PRKN: variants seen among roughly 807,000 people sequenced by gnomAD.
PRKN encodes the protein parkin RBR E3 ubiquitin protein ligase.
Under a neutral mutation model 59.5 loss-of-function variants are expected in PRKN, and 56 were observed. That is an observed-to-expected ratio of 0.94 (90% CI 0.76 to 1.18). The LOEUF is 1.18. Among genes scored for constraint, PRKN ranks in the 50% most tolerant of loss-of-function variants. The probability of loss-of-function intolerance (pLI) is 0.00; values close to 1 mark genes in which losing one functional copy is unlikely to be tolerated. For synonymous variants in PRKN, 250 were observed against 222.1 expected (o/e 1.13, Z -1.12); for missense variants, 657 against 596.4 (o/e 1.10, Z -1.06).
chr6:162,647,887 T>C (rs1433616944), intron 1 of PRKN, among the ~76,000 whole-genome samples: 1 of 130,758 alleles, frequency 7.6e-6, no homozygotes, highest in Non-Finnish European at 1.5e-5. Flanking sequence ...TTTCTAGCTA[T>C]ATAAGATCAT....
chr6:162,590,521 A>G (rs1781259118), intron 1 of PRKN, among the ~76,000 whole-genome samples: 1 of 152,156 alleles, frequency 6.6e-6, no homozygotes, highest in Non-Finnish European at 1.5e-5. Flanking sequence ...CAAAGCATCC[A>G]TTGATCTTGC....
intron 2 of PRKN, among the ~76,000 whole-genome samples, chr6:162,299,753 AG>A (rs1781858943): frequency 6.6e-6 from 1 of 151,998 alleles, no homozygotes; most frequent in Non-Finnish European, 1.5e-5. Flanking sequence ...GCCACTTTGC[AG>A]GAATTCTTCC....
intron 4 of PRKN, among the ~76,000 whole-genome samples, chr6:162,180,403 C>T (rs550611393): frequency 2.0e-4 from 30 of 152,162 alleles, no homozygotes; most frequent in Non-Finnish European, 3.8e-4. Flanking sequence ...CATCATGTAC[C>T]ACAGAAATAT....
rs1470696773 is a variant in PRKN, at chr6:161,466,724, AC to A, written c.1084-79848del. On this transcript the variant is annotated intron_variant, in intron 9 of 11. Transcript: ENST00000366898. This position sits in a 1 kb window ranked among gnomAD's most constrained non-coding sequence, Gnocchi z 5.0. ...CATCCACACACAGACACACAGACAT[AC>A]AAACAACCCAAGGACAGGCTTTCTG... Among the ~76,000 whole-genome samples the A allele has an allele frequency of 2.0e-5, 3 of 152,208 alleles. No homozygotes were observed. The highest frequency in any genetic ancestry group is 6.5e-5 in the Admixed American group (1 of 15,278).
In PRKN at chr6:161,460,751, CTT is replaced by C. The variant is rs56916508; in HGVS notation, c.1084-73876_1084-73875del. ...ATCCCACACACCAACCAAGAGTTAT[CTT>C]TTTTTTTTTTTTCTTCAGATGGAGT... is the stretch of plus-strand genomic sequence containing the variant. On this transcript the variant is annotated intron_variant, in intron 9 of 11. Transcript: ENST00000366898. This position sits in a 1 kb window ranked among gnomAD's most constrained non-coding sequence, Gnocchi z 5.0. 1.4e-5 allele frequency among the ~76,000 whole-genome samples: 2 copies of C among 144,546 alleles called. No homozygotes were observed. The highest frequency in any genetic ancestry group is 1.4e-4 in the Admixed American group (2 of 14,432). The allele number at this position is 144,546 out of a possible 152,430, so 94.8% of individuals were successfully genotyped here.
intron 1 of PRKN, among the ~76,000 whole-genome samples, chr6:162,515,929 AGGAGT>A (rs1232679942): frequency 3.9e-5 from 6 of 152,206 alleles, no homozygotes; most frequent in Non-Finnish European, 7.3e-5. Flanking sequence ...TCTCTATAAG[AGGAGT>A]CCCAGGAACG....
chr6:162,235,957 G>GAAAAA (rs1491522074), intron 3 of PRKN, among the ~76,000 whole-genome samples: 1 of 87,502 alleles, frequency 1.1e-5, no homozygotes, highest in East Asian at 7.6e-4. Flanking sequence ...AAGGAAGAAA[G>GAAAAA]GAAGAAAGAA....
At chr6:161,756,858 A>T (rs1788948297) in intron 7 of PRKN, among the ~76,000 whole-genome samples, 1 of 152,186 alleles carries the variant, frequency 6.6e-6, no homozygotes, top group Admixed American at 6.5e-5. Flanking sequence ...AATCTACAGA[A>T]ATCAAGACAG....
intron 1 of PRKN, among the ~76,000 whole-genome samples, chr6:162,612,938 TG>T (rs1782256850): frequency 1.3e-5 from 2 of 152,178 alleles, no homozygotes; most frequent in African/African-American, 4.8e-5. Flanking sequence ...TATAACCCCT[TG>T]GAAGTAAAAT....
In PRKN at chr6:161,874,162, A is replaced by AT. The variant is rs1794503700; in HGVS notation, c.735-88255dup. Among the ~76,000 whole-genome samples, 86 of 37,642 alleles carry AT rather than the reference A, an allele frequency of 2.3e-3. 4 individuals carry two copies. Among genetic ancestry groups the AT allele is most frequent in the Non-Finnish European group, 3.2e-3 (78 of 24,002 alleles). 24.7% of individuals were successfully genotyped at this position (37,642 alleles called of 152,430 possible). A position where few individuals can be genotyped will look rare whatever the true frequency, so the allele number is the denominator to read the frequency against. ...ATGTAAAATATAATATATATTATAT[A>AT]TAATATATAATATATATTATATATA... On this transcript the variant is annotated intron_variant, in intron 6 of 11. Transcript: ENST00000366898.
chr6:161,647,378 A>T (rs1783995880), intron 7 of PRKN, among the ~76,000 whole-genome samples: 1 of 152,236 alleles, frequency 6.6e-6, no homozygotes, highest in South Asian at 2.1e-4. Context: ...CTCACCCTGC[A>T]GTGGCTTCTT....
intron 10 of PRKN, among the ~76,000 whole-genome samples, chr6:161,375,355 G>T (rs1211797619): frequency 1.3e-5 from 2 of 152,166 alleles, no homozygotes; most frequent in African/African-American, 2.4e-5. Flanking sequence ...GGTCTGCATG[G>T]TCAGGATCGG....
intron 2 of PRKN, among the ~76,000 whole-genome samples, chr6:162,362,546 T>C (rs1785197362): frequency 6.6e-6 from 1 of 152,208 alleles, no homozygotes; most frequent in African/African-American, 2.4e-5. Flanking sequence ...AATAAATTTC[T>C]ACTGAAAATT....
chr6:161,744,838 T>C (rs1034182400), intron 7 of PRKN, among the ~76,000 whole-genome samples: 1 of 152,214 alleles, frequency 6.6e-6, no homozygotes. Context: ...GCATTTGGAA[T>C]CACTCATTTA....
At chr6:162,364,630 T>C (rs1243253862) in intron 2 of PRKN, among the ~76,000 whole-genome samples, 1 of 152,144 alleles carries the variant, frequency 6.6e-6, no homozygotes, top group East Asian at 1.9e-4. Flanking sequence ...CAAGCTCACA[T>C]GGCCAGACAG....
chr6:161,547,444 C>T lies in PRKN; in HGVS notation c.1083+1410G>A, dbSNP rs941141657. On this transcript the variant is annotated intron_variant, in intron 9 of 11. Coordinates refer to ENST00000366898, the MANE Select transcript of PRKN (RefSeq NM_004562.3). The surrounding 1 kb of genome is among the most constrained non-coding windows in gnomAD (Gnocchi z 4.0). ...TAAAGATATTCAAGATTTCACATTA[C>T]ATAAACCCTTCAACATTCTTAAAGC... Among the ~76,000 whole-genome samples the T allele has an allele frequency of 3.3e-5, 5 of 152,190 alleles. No homozygotes were observed. The highest frequency in any genetic ancestry group is 4.8e-5 in the African/African-American group (2 of 41,458).
chr6:161,607,030 C>T (rs192781218), intron 7 of PRKN, among the ~76,000 whole-genome samples: 284 of 152,238 alleles, frequency 1.9e-3, no homozygotes, highest in African/African-American at 6.5e-3. Flanking sequence ...GATAGCTCAA[C>T]CCCTTTGTTC....
chr6:161,759,762 C>T (rs1789112774), intron 7 of PRKN, among the ~76,000 whole-genome samples: 1 of 152,114 alleles, frequency 6.6e-6, no homozygotes, highest in Admixed American at 6.5e-5. Context: ...GTTGTACAGC[C>T]AATGGTCACC....
Position 161,548,222 on chromosome 6 carries a change from T to G in PRKN, c.1083+632A>C, listed in dbSNP as rs545329647. Among the ~76,000 whole-genome samples the G allele has an allele frequency of 1.4e-4, 22 of 152,346 alleles. No individual in the cohort carries two copies. Among genetic ancestry groups the G allele is most frequent in the African/African-American group, 5.3e-4 (22 of 41,586 alleles). On this transcript the variant is annotated intron_variant, in intron 9 of 11. Transcript: ENST00000366898. This position sits in a 1 kb window ranked among gnomAD's most constrained non-coding sequence, Gnocchi z 4.2. Reference sequence around the variant, plus strand: ...AGTAAGCCTTTTTGTGTTTGAGTTATGCTTCTTCCCCCCTTGAGCCATCAG... The same window carrying G: ...AGTAAGCCTTTTTGTGTTTGAGTTAGGCTTCTTCCCCCCTTGAGCCATCAG...
Sources: allele counts gnomAD v4.1 joint callset (sites outside exome capture counted in the v4.1 genomes callset), GRCh38; gene constraint gnomAD v4.1.1; non-coding constraint Gnocchi (gnomAD v3.1); transcripts MANE v1.5; gene names NCBI Gene and HGNC (gene_info 2026-07-23, HGNC 2026-07-21).